UGCG: variants seen among roughly 807,000 people sequenced by gnomAD.
The protein encoded by UGCG is ceramide glucosyltransferase.
A neutral mutation model predicts 49.5 loss-of-function variants in UGCG; 10 were observed. That is an observed-to-expected ratio of 0.20 (90% CI 0.12 to 0.34). The LOEUF (loss-of-function observed/expected upper bound fraction) is 0.34. Among genes scored for constraint, UGCG ranks in the 10% least tolerant of loss-of-function variants. The probability of loss-of-function intolerance (pLI) is 1.00; values close to 1 mark genes in which losing one functional copy is unlikely to be tolerated. For missense variants in UGCG, 312 were observed against 483.7 expected, an observed-to-expected ratio of 0.65 and a Z score of 3.33; for synonymous variants, 182 against 158.2, an observed-to-expected ratio of 1.15 and a Z score of -1.13.
Position 111,914,728 on chromosome 9 carries a change from T to C in UGCG, c.222T>C (p.Phe74=). 1 of 1,613,700 alleles carries C rather than the reference T, an allele frequency of 6.2e-7. No homozygotes were observed. Among genetic ancestry groups the C allele is most frequent in the Non-Finnish European group, 8.5e-7 (1 of 1,179,952 alleles). The change falls in exon 2 of 9, where the codon TTT becomes TTC. Residue 74 remains phenylalanine, a synonymous_variant. Transcript: ENST00000374279. ...TAATCAACAACCTGGAAACATTCTTTGAATTGGATTATCCCAAAGTAAGTT... is the reference window on the plus strand; with the variant it reads ...TAATCAACAACCTGGAAACATTCTTCGAATTGGATTATCCCAAAGTAAGTT... ...PNLINNLETF[F]ELDYPKYEVL...
At position 111,929,495 on chromosome 9, in the gene UGCG, G is replaced by C; in HGVS notation, c.559-5G>C. 6.2e-7 allele frequency: 1 copy of C among 1,601,400 alleles called. No homozygotes were observed. The highest frequency in any genetic ancestry group is 8.5e-7 in the Non-Finnish European group (1 of 1,173,878). ...AATCATACACGTTTGTGGTTTTTTG[G>C]GCAGGTATATTTTGGAACTTCACAT... On this transcript the variant is annotated splice_region_variant and splice_polypyrimidine_tract_variant and intron_variant, in intron 5 of 8. Coordinates refer to ENST00000374279, the MANE Select transcript of UGCG (RefSeq NM_003358.3).
chr9:111,908,283 C>T (rs564973862), intron 1 of UGCG, among the ~76,000 whole-genome samples: 53 of 152,262 alleles, frequency 3.5e-4, no homozygotes, highest in South Asian at 4.1e-4. Flanking sequence ...AATGTAACAA[C>T]GCGGATGATT....
chr9:111,912,888 GGT>G (rs112247185), intron 1 of UGCG, among the ~76,000 whole-genome samples: 13 of 150,892 alleles, frequency 8.6e-5, no homozygotes, highest in South Asian at 6.3e-4. Context: ...TTGTAAACCT[GGT>G]GTGTGTGTGT....
At chr9:111,932,528 A>C (rs1838444584) in intron 8 of UGCG, among the ~76,000 whole-genome samples, 169 bp downstream of exon 8, 1 of 152,256 alleles carries the variant, frequency 6.6e-6, no homozygotes, top group Non-Finnish European at 1.5e-5. Context: ...GCAAAACTTA[A>C]GTCGATTTGC....
rs895414087 is a variant in UGCG at position 111,934,601 on chromosome 9, G to C, written c.*1604G>C. 2.6e-5 allele frequency: 4 copies of C among 152,102 alleles called. No individual in the cohort carries two copies. Among genetic ancestry groups the C allele is most frequent in the Admixed American group, 1.3e-4 (2 of 15,274 alleles). 9.4% of individuals were successfully genotyped at this position (152,102 alleles called of 1,614,324 possible). ...AGAAAACACTTTTTCACTTTACTGAGCCAATTCATTTAATTGTCAAATGTC... is the reference window on the plus strand; with the variant it reads ...AGAAAACACTTTTTCACTTTACTGACCCAATTCATTTAATTGTCAAATGTC... On this transcript the variant is annotated 3_prime_UTR_variant, in exon 9 of 9. Transcript: ENST00000374279.
Position 111,930,943 on chromosome 9 carries a change from GTTTGGTT to G in UGCG, c.738-327_738-321del, listed in dbSNP as rs1215302751. Among the ~76,000 whole-genome samples the G allele has an allele frequency of 3.3e-5, 5 of 152,276 alleles. No individual in the cohort carries two copies. In the East Asian group the frequency reaches 9.6e-4, roughly 29 times the overall value. On this transcript the variant is annotated intron_variant, in intron 6 of 8. Transcript: ENST00000374279. ...CCACTTTCTGTTTACATGTCTTGTT[GTTTGGTT>G]AGTAGTCATCAGAGACTAATCTATT...
At chr9:111,932,443 T>G in intron 8 of UGCG, 84 bp downstream of exon 8, 1 of 1,332,536 alleles carries the variant, frequency 7.5e-7, no homozygotes, top group South Asian at 1.5e-5. Flanking sequence ...AGGAAATGTA[T>G]CTGAGCCATT....
chr9:111,930,584 C>T (rs940107857), intron 6 of UGCG, among the ~76,000 whole-genome samples: 9 of 151,708 alleles, frequency 5.9e-5, no homozygotes, highest in Non-Finnish European at 1.3e-4. Flanking sequence ...TCTCCTGCCT[C>T]AGCCTCCCAA....
rs954642807 is a variant in UGCG at position 111,933,255 on chromosome 9, CATT to C, written c.*259_*261del. 61 of 214,634 alleles carry C rather than the reference CATT, an allele frequency of 2.8e-4. No homozygotes were observed. The highest frequency in any genetic ancestry group is 1.3e-3 in the African/African-American group (56 of 43,568). 13.3% of individuals were successfully genotyped at this position (214,634 alleles called of 1,614,324 possible). The stretch of plus-strand genomic sequence containing the variant: ...GTTCTAGGAACCTGGGTTCGTTCAT[CATT>C]GTTGTTTATTTTTTTAAAATAAATA... On this transcript the variant is annotated 3_prime_UTR_variant, in exon 9 of 9. Transcript: ENST00000374279.
At position 111,910,337 on chromosome 9, in the gene UGCG, A is replaced by G. The variant is rs750215069; in HGVS notation, c.99-4268A>G. ...CTTGACCTGCATGTTTTGGTAGTTT[A>G]ATAGCACTTAAGGATCACACAGTGG... On this transcript the variant is annotated intron_variant, in intron 1 of 8. Transcript: ENST00000374279. 7.9e-5 allele frequency among the ~76,000 whole-genome samples: 12 copies of G among 152,352 alleles called. No homozygotes were observed. In the South Asian group the frequency reaches 1.2e-3, roughly 16 times the overall value.
intron 1 of UGCG, among the ~76,000 whole-genome samples, chr9:111,912,029 G>GATATATATAT (rs60468274): frequency 0.048 from 3,050 of 63,894 alleles, 419 homozygotes; most frequent in African/African-American, 0.054. Flanking sequence ...TATTCAACAG[G>GATATATATAT]ATATATATAT....
Position 111,929,633 on chromosome 9 carries a change from A to T in UGCG, c.692A>T (p.Gln231Leu). 6.2e-7 allele frequency: 1 copy of T among 1,614,042 alleles called. No individual in the cohort carries two copies. Among genetic ancestry groups the T allele is most frequent in the African/African-American group, 1.3e-5 (1 of 75,066 alleles). Residue 231 changes from glutamine to leucine, a missense_variant, in exon 6 of 9, where the codon CAG becomes CTG. Gln to Leu is a moderately radical substitution (Grantham distance 113). Transcript: ENST00000374279. ...GCAGGAGGACTTATAGCTTTTGCTCAGTACATTGCCGAAGATTACTTTATG... is the reference window on the plus strand; with the variant it reads ...GCAGGAGGACTTATAGCTTTTGCTCTGTACATTGCCGAAGATTACTTTATG... ...DQAGGLIAFA[Q>L]YIAEDYFMAK...
intron 3 of UGCG, among the ~76,000 whole-genome samples, chr9:111,923,613 T>A (rs1253971360): frequency 6.6e-6 from 1 of 152,062 alleles, no homozygotes; most frequent in Non-Finnish European, 1.5e-5. Flanking sequence ...TTTACTGTCA[T>A]ATATTTATGG....
chr9:111,930,140 T>C (rs1838397461), intron 6 of UGCG, among the ~76,000 whole-genome samples: 1 of 152,160 alleles, frequency 6.6e-6, no homozygotes, highest in Admixed American at 6.5e-5. Context: ...TATAGAGTAA[T>C]TCATATTCTA....
At position 111,932,035 on chromosome 9, in the gene UGCG, AAC is replaced by A. The variant is rs1564206825; in HGVS notation, c.825-133_825-132del. 1,655 of 972,368 alleles carry A rather than the reference AAC, an allele frequency of 1.7e-3. 4 individuals carry two copies. Among genetic ancestry groups the A allele is most frequent in the South Asian group, 4.0e-3 (217 of 54,836 alleles). The allele number at this position is 972,368 out of a possible 1,614,324, so 60.2% of individuals were successfully genotyped here. A position where few individuals can be genotyped will look rare whatever the true frequency, so the allele number is the denominator to read the frequency against. ...ACCCCGTCTCAAGTAAAAAAAAAAA[AAC>A]AAAACAAAAAAAGTTTAAAGAGAAT... On this transcript the variant is annotated intron_variant, in intron 7 of 8. Coordinates refer to ENST00000374279, the MANE Select transcript of UGCG (RefSeq NM_003358.3).
chr9:111,896,841 G>T lies in UGCG; in HGVS notation c.-375G>T, dbSNP rs1246036596. ...TGCGCGGAGCTGCGGCGGTGGAGCTGCTCGGCCGGGAGCCCGGCGGCGAGA... is the reference window on the plus strand; with the variant it reads ...TGCGCGGAGCTGCGGCGGTGGAGCTTCTCGGCCGGGAGCCCGGCGGCGAGA... On this transcript the variant is annotated 5_prime_UTR_variant, in exon 1 of 9. Coordinates refer to ENST00000374279, the MANE Select transcript of UGCG (RefSeq NM_003358.3). The T allele has an allele frequency of 6.6e-6, 1 of 152,444 alleles. No individual in the cohort carries two copies. Among genetic ancestry groups the T allele is most frequent in the Non-Finnish European group, 1.5e-5 (1 of 68,628 alleles). The allele number at this position is 152,444 out of a possible 1,614,324, so 9.4% of individuals were successfully genotyped here.
At chr9:111,917,494 G>A (rs1838131787) in intron 2 of UGCG, among the ~76,000 whole-genome samples, 2 of 152,174 alleles carry the variant, frequency 1.3e-5, no homozygotes, top group South Asian at 4.1e-4. Flanking sequence ...ATTTTGCCTG[G>A]TGTGAACATC....
intron 2 of UGCG, among the ~76,000 whole-genome samples, chr9:111,920,528 C>T (rs1043983297): frequency 6.6e-6 from 1 of 151,886 alleles, no homozygotes; most frequent in African/African-American, 2.4e-5. Context: ...ACCATGCCTG[C>T]TAATTATTGC....
chr9:111,908,976 T>C (rs1215040538), intron 1 of UGCG, among the ~76,000 whole-genome samples: 7 of 152,188 alleles, frequency 4.6e-5, no homozygotes, highest in African/African-American at 1.7e-4. Context: ...TGGAGTGCAG[T>C]GGTGCGATCT....
Sources: allele counts gnomAD v4.1 joint callset (sites outside exome capture counted in the v4.1 genomes callset), GRCh38; gene constraint gnomAD v4.1.1; transcripts MANE v1.5; gene names NCBI Gene and HGNC (gene_info 2026-07-23, HGNC 2026-07-21).